The following ZHX1 variants were observed in gnomAD, a reference collection of about 807,000 sequenced individuals.
The protein encoded by ZHX1 is zinc fingers and homeoboxes protein 1.
In ZHX1, 20 loss-of-function variants were observed where a neutral mutation model predicts 61.8. The ratio of observed to expected loss-of-function variants is 0.32; its 90% CI spans 0.23 to 0.47. ZHX1 has a LOEUF of 0.47. Ranked by LOEUF, ZHX1 falls within the 20% of genes least tolerant of loss-of-function variation. ZHX1 has a pLI of 1.00. For synonymous variants in ZHX1, 318 were observed against 352.6 expected (o/e 0.90, Z 1.10); for missense variants, 800 against 1,034.8 (o/e 0.77, Z 3.11).
In ZHX1 at chr8:123,261,750, A is replaced by AT. The variant is rs560174874; in HGVS notation, c.-226+5522dup. ...ACAAAACAGGTGCCTAATTGATGCT[A>AT]TTTTCAGTCCCTGAAAAATTCTTTC... On this transcript the variant is annotated intron_variant, in intron 2 of 3. Coordinates refer to ENST00000395571, the MANE Select transcript of ZHX1 (RefSeq NM_007222.5). 2.2e-3 allele frequency among the ~76,000 whole-genome samples: 328 copies of AT among 152,248 alleles called. 2 individuals are homozygous for AT. The highest frequency in any genetic ancestry group is 6.4e-3 in the African/African-American group (265 of 41,542).
chr8:123,274,753 C>T (rs1412696471), upstream of ZHX1, among the ~76,000 whole-genome samples: 1 of 152,180 alleles, frequency 6.6e-6, no homozygotes, highest in African/African-American at 2.4e-5. Context: ...GCCTGGTCTT[C>T]TCTCGGGTCA....
At chr8:123,268,322 T>C (rs1174351103) in intron 1 of ZHX1, among the ~76,000 whole-genome samples, 1 of 152,204 alleles carries the variant, frequency 6.6e-6, no homozygotes, top group Non-Finnish European at 1.5e-5. Context: ...ATTAACATCA[T>C]GCAATCAAAT....
At chr8:123,263,020 G>A (rs549831534) in intron 2 of ZHX1, 24 of 150,202 alleles carry the variant, frequency 1.6e-4, no homozygotes, top group Admixed American at 2.7e-4. Context: ...GAAGAGAAGC[G>A]GGAAGGGGAG....
rs1563808385 is a variant in ZHX1 at position 123,253,584 on chromosome 8, T to C, written c.2363A>G (p.Tyr788Cys). 2 of 1,614,232 alleles carry C rather than the reference T, an allele frequency of 1.2e-6. No individual in the cohort carries two copies. Among genetic ancestry groups the C allele is most frequent in the Non-Finnish European group, 1.7e-6 (2 of 1,180,020 alleles). ...ATTAAGAAACTTGTGCTTCAGGTAA[T>C]AATCCTTAAGTATTGCAGTTCCAGT... Reference protein sequence around the residue: ...FKTGTAILKDYYLKHKFLNEQ... With the variant: ...FKTGTAILKDCYLKHKFLNEQ... Residue 788 changes from tyrosine (Y) to cysteine (C), a missense_variant, in exon 3 of 4, where the codon TAT (tyrosine) becomes TGT (cysteine). Physicochemically the swap from Tyr to Cys is radical, Grantham distance 194. Transcript: ENST00000395571.
rs1405275661 is a variant in ZHX1, at chr8:123,249,446, T to A, written c.*878A>T. 2.0e-5 allele frequency: 3 copies of A among 152,190 alleles called. No homozygotes were observed. The allele number at this position is 152,190 out of a possible 1,614,324, so 9.4% of individuals were successfully genotyped here. A position where few individuals can be genotyped will look rare whatever the true frequency, so the allele number is the denominator to read the frequency against. On this transcript the variant is annotated 3_prime_UTR_variant, in exon 4 of 4. Transcript: ENST00000395571. Reference sequence around the variant, plus strand: ...CTCTTAAAAATTCTGATCTGACACCTGTATAAACATTTCTGATTTCCACGA... The same window carrying A: ...CTCTTAAAAATTCTGATCTGACACCAGTATAAACATTTCTGATTTCCACGA...
chr8:123,262,358 CAG>C (rs1445856342), intron 2 of ZHX1, among the ~76,000 whole-genome samples: 3 of 151,914 alleles, frequency 2.0e-5, no homozygotes, highest in African/African-American at 7.3e-5. Flanking sequence ...TTTTAAAACT[CAG>C]AAAATTTGCA....
chr8:123,255,013 A>C lies in ZHX1; in HGVS notation c.934T>G (p.Ser312Ala). Residue 312 changes from serine (S) to alanine (A), a missense_variant, in exon 3 of 4, where the codon TCA becomes GCA. Physicochemically the swap from Ser to Ala is moderately conservative, Grantham distance 99. Transcript: ENST00000395571. The part of the protein sequence containing the change: ...TYNKFPYPTM[S>A]EITVLSAQAK... ...TGAGCAGAAAGAACTGTAATTTCTGACATTGTTGGGTAAGGGAACTTGTTG... is the reference window on the plus strand; with the variant it reads ...TGAGCAGAAAGAACTGTAATTTCTGCCATTGTTGGGTAAGGGAACTTGTTG... 2 of 1,614,154 alleles carry C rather than the reference A, an allele frequency of 1.2e-6. No homozygotes were observed. Among genetic ancestry groups the C allele is most frequent in the South Asian group, 2.2e-5 (2 of 91,086 alleles).
intron 2 of ZHX1, among the ~76,000 whole-genome samples, chr8:123,257,598 G>A (rs1176388158): frequency 6.6e-6 from 1 of 152,164 alleles, no homozygotes; most frequent in African/African-American, 2.4e-5. Context: ...GGTGCGAGGG[G>A]ATGAGATGGT....
chr8:123,260,490 C>T (rs1023002062), intron 2 of ZHX1, among the ~76,000 whole-genome samples: 1 of 150,450 alleles, frequency 6.6e-6, no homozygotes, highest in Non-Finnish European at 1.5e-5. Context: ...TCCCGCTACT[C>T]GGAAGGCTGA....
At chr8:123,262,431 T>C (rs568264696) in intron 2 of ZHX1, among the ~76,000 whole-genome samples, 11 of 152,280 alleles carry the variant, frequency 7.2e-5, no homozygotes, top group Middle Eastern at 3.4e-3. Flanking sequence ...AATGAGAGTA[T>C]GTAAAAAAAT....
At chr8:123,258,681 G>T (rs540142751) in intron 2 of ZHX1, among the ~76,000 whole-genome samples, 15 of 152,080 alleles carry the variant, frequency 9.9e-5, no homozygotes, top group African/African-American at 3.6e-4. Flanking sequence ...AACTCAACAG[G>T]ACCTGCAGGA....
chr8:123,273,135 C>T (rs536349595), intron 1 of ZHX1, among the ~76,000 whole-genome samples: 35 of 152,316 alleles, frequency 2.3e-4, no homozygotes, highest in Non-Finnish European at 5.0e-4. Context: ...CTGCTGGATC[C>T]TTCACTAACC....
chr8:123,270,186 AAG>A (rs1826597875), intron 1 of ZHX1, among the ~76,000 whole-genome samples: 2 of 152,178 alleles, frequency 1.3e-5, no homozygotes, highest in South Asian at 4.1e-4. Context: ...TTGATGGTAA[AAG>A]AGAATAAACT....
In ZHX1 at chr8:123,254,435, C is replaced by T. The variant is rs571403456; in HGVS notation, c.1512G>A (p.Thr504=). 1.1e-5 allele frequency: 17 copies of T among 1,614,160 alleles called. No homozygotes were observed. Among genetic ancestry groups the T allele is most frequent in the Admixed American group, 8.3e-5 (5 of 60,018 alleles). The change falls in exon 3 of 4, where the codon ACG becomes ACA. Residue 504 remains threonine (T), a synonymous_variant. Coordinates refer to ENST00000395571, the MANE Select transcript of ZHX1 (RefSeq NM_007222.5). The surrounding 1 kb of genome is among the most constrained non-coding windows in gnomAD (Gnocchi z 4.1). ...IIRLMKITGL[T]KGEIKKWFSD... ...TAAACCATTTTTTAATCTCTCCTTT[C>T]GTCAGGCCTGTTATTTTCATAAGTC...
In ZHX1 at chr8:123,254,051, T is replaced by C. The variant is rs745412395; in HGVS notation, c.1896A>G (p.Ile632Met). The change falls in exon 3 of 4, where the codon ATA becomes ATG. Residue 632 changes from isoleucine to methionine, a missense_variant. Coordinates refer to ENST00000395571, the MANE Select transcript of ZHX1 (RefSeq NM_007222.5). This position sits in a 1 kb window ranked among gnomAD's most constrained non-coding sequence, Gnocchi z 4.1. ...SKALKEEKMEIDESNAGSSKE... is the reference protein window; with the variant it reads ...SKALKEEKMEMDESNAGSSKE... ...TGGAACTACCTGCATTACTTTCATCTATTTCCATTTTCTCTTCCTTTAAAG... is the reference window on the plus strand; with the variant it reads ...TGGAACTACCTGCATTACTTTCATCCATTTCCATTTTCTCTTCCTTTAAAG... The C allele has an allele frequency of 6.2e-7, 1 of 1,614,084 alleles. No homozygotes were observed. The highest frequency in any genetic ancestry group is 1.1e-5 in the South Asian group (1 of 91,076).
chr8:123,271,237 T>G (rs1458889147), intron 1 of ZHX1, among the ~76,000 whole-genome samples: 3 of 152,168 alleles, frequency 2.0e-5, no homozygotes, highest in Non-Finnish European at 4.4e-5. Flanking sequence ...ATAACTTACT[T>G]TTGAAACTAC....
intron 2 of ZHX1, among the ~76,000 whole-genome samples, chr8:123,257,385 T>C (rs1163022356): frequency 2.0e-5 from 3 of 152,210 alleles, no homozygotes; most frequent in African/African-American, 7.2e-5. Flanking sequence ...CTCACTTTCC[T>C]TCCTCCTGTT....
At chr8:123,262,920 A>G (rs1056052391) in intron 2 of ZHX1, 1 of 150,188 alleles carries the variant, frequency 6.7e-6, no homozygotes, top group Middle Eastern at 3.4e-3. Flanking sequence ...CAAGGATGAC[A>G]TGCAAATTTG....
At chr8:123,263,309 TATG>T (rs1012425604) in intron 2 of ZHX1, among the ~76,000 whole-genome samples, 2 of 152,058 alleles carry the variant, frequency 1.3e-5, no homozygotes, top group African/African-American at 4.8e-5. Flanking sequence ...TCAATCAACT[TATG>T]ATTCTGAACT....
Sources: allele counts gnomAD v4.1 joint callset (sites outside exome capture counted in the v4.1 genomes callset), GRCh38; gene constraint gnomAD v4.1.1; non-coding constraint Gnocchi (gnomAD v3.1); transcripts MANE v1.5; gene names NCBI Gene and HGNC (gene_info 2026-07-23, HGNC 2026-07-21).